The following ARHGAP26 variants were observed in gnomAD, a reference collection of about 807,000 sequenced individuals.
ARHGAP26 encodes the protein Rho GTPase activating protein 26.
In ARHGAP26, 38 loss-of-function variants were observed where a neutral mutation model predicts 104.8. The ratio of observed to expected loss-of-function variants is 0.36; its 90% CI spans 0.28 to 0.48. The LOEUF (loss-of-function observed/expected upper bound fraction) is 0.48. Ranked by LOEUF, ARHGAP26 falls within the 20% of genes least tolerant of loss-of-function variation. ARHGAP26 has a pLI of 0.99. For synonymous variants in ARHGAP26, 341 were observed against 340.0 expected (o/e 1.00, Z -0.03); for missense variants, 704 against 947.9 (o/e 0.74, Z 3.38).
intron 3 of ARHGAP26, among the ~76,000 whole-genome samples, 192 bp downstream of exon 3, chr5:142,875,363 T>G (rs986844191): frequency 6.6e-6 from 1 of 152,248 alleles, no homozygotes; most frequent in African/African-American, 2.4e-5. Flanking sequence ...TGGATAACTT[T>G]AGAACAACGT....
intron 11 of ARHGAP26, among the ~76,000 whole-genome samples, chr5:142,958,904 T>TAA (rs1199020124): frequency 2.3e-5 from 2 of 88,230 alleles, no homozygotes; most frequent in East Asian, 5.5e-4. Context: ...CGCTGTCTCT[T>TAA]AAAAAAAAAA....
rs536919888 is a variant in ARHGAP26 at position 143,029,392 on chromosome 5, G to GTTTTTT, written c.1145-7779_1145-7774dup. The stretch of plus-strand genomic sequence containing the variant: ...CATGTTAGAAATCCTTTACTTCTCA[G>GTTTTTT]TTTTTTTTTTTTTTTTTTTTTTTTT... On this transcript the variant is annotated intron_variant, in intron 12 of 22. Coordinates refer to ENST00000645722, the MANE Select transcript of ARHGAP26 (RefSeq NM_001135608.3). 1.6e-4 allele frequency among the ~76,000 whole-genome samples: 13 copies of GTTTTTT among 80,846 alleles called. 3 individuals carry two copies. The highest frequency in any genetic ancestry group is 4.4e-4 in the East Asian group (1 of 2,298). The allele number at this position is 80,846 out of a possible 152,430, so 53.0% of individuals were successfully genotyped here.
intron 10 of ARHGAP26, among the ~76,000 whole-genome samples, chr5:142,916,551 A>G (rs1762513105): frequency 6.6e-6 from 1 of 152,232 alleles, no homozygotes; most frequent in Admixed American, 6.5e-5. Context: ...GTGTTTCACA[A>G]TACAGTTTCA....
At chr5:143,163,670 C>T (rs999295219) in intron 20 of ARHGAP26, among the ~76,000 whole-genome samples, 7 of 151,948 alleles carry the variant, frequency 4.6e-5, no homozygotes, top group South Asian at 2.1e-4. Context: ...AGGCTGGTCT[C>T]GAACTCCTGA....
chr5:142,998,750 A>G (rs925601368), intron 11 of ARHGAP26, among the ~76,000 whole-genome samples: 1 of 152,168 alleles, frequency 6.6e-6, no homozygotes, highest in African/African-American at 2.4e-5. Context: ...AGAACAAAAA[A>G]AAAGAAAAAG....
intron 1 of ARHGAP26, among the ~76,000 whole-genome samples, chr5:142,786,348 A>G (rs971010473): frequency 6.6e-6 from 1 of 151,916 alleles, no homozygotes; most frequent in African/African-American, 2.4e-5. Context: ...CCAGGCTGGA[A>G]TGCAGTGGTG....
At chr5:142,955,076 C>T (rs565488861) in intron 11 of ARHGAP26, among the ~76,000 whole-genome samples, 1 of 148,296 alleles carries the variant, frequency 6.7e-6, no homozygotes, top group South Asian at 2.2e-4. Flanking sequence ...CCCAGCAGTT[C>T]AACATAGTGA....
chr5:142,865,478 G>GTGTT, intron 1 of ARHGAP26, among the ~76,000 whole-genome samples: 1 of 117,230 alleles, frequency 8.5e-6, no homozygotes, highest in East Asian at 2.9e-4. Flanking sequence ...ACACGGAGAA[G>GTGTT]TTTTTTTTTT....
intron 17 of ARHGAP26, among the ~76,000 whole-genome samples, chr5:143,086,806 T>C (rs1790647085): frequency 6.6e-6 from 1 of 152,224 alleles, no homozygotes; most frequent in Non-Finnish European, 1.5e-5. Flanking sequence ...ACTACAGAAC[T>C]AACTTTAGTT....
chr5:143,088,912 C>G (rs1217049408), intron 17 of ARHGAP26, among the ~76,000 whole-genome samples: 5 of 151,906 alleles, frequency 3.3e-5, no homozygotes, highest in Non-Finnish European at 7.4e-5. Context: ...CGGAATGAGT[C>G]AGGGGGTAGC....
chr5:143,212,062 TTG>T (rs1306395988), intron 21 of ARHGAP26, among the ~76,000 whole-genome samples: 6 of 152,172 alleles, frequency 3.9e-5, no homozygotes, highest in Non-Finnish European at 8.8e-5. Context: ...TAAATAATGT[TTG>T]TGAAAATCCA....
In ARHGAP26 at chr5:142,871,967, C is replaced by T. The variant is rs1013252724; in HGVS notation, c.155-1433C>T. 3.3e-5 allele frequency among the ~76,000 whole-genome samples: 5 copies of T among 152,186 alleles called. No homozygotes were observed. Among genetic ancestry groups the T allele is most frequent in the Non-Finnish European group, 5.9e-5 (4 of 68,030 alleles). On this transcript the variant is annotated intron_variant, in intron 1 of 22. Coordinates refer to ENST00000645722, the MANE Select transcript of ARHGAP26 (RefSeq NM_001135608.3). This position sits in a 1 kb window ranked among gnomAD's most constrained non-coding sequence, Gnocchi z 4.1. ...CTATCTCGGGACCGTGTCATCACAGCGTGTGGGAGGGCAGTCCAGGAGCAG... is the reference window on the plus strand; with the variant it reads ...CTATCTCGGGACCGTGTCATCACAGTGTGTGGGAGGGCAGTCCAGGAGCAG...
chr5:142,788,180 T>C (rs1174216723), intron 1 of ARHGAP26, among the ~76,000 whole-genome samples: 1 of 151,990 alleles, frequency 6.6e-6, no homozygotes, highest in African/African-American at 2.4e-5. Context: ...TTTGTATTTT[T>C]AGTAGAGATG....
In ARHGAP26 at chr5:143,222,778, G is replaced by C. The variant is rs1811363307; in HGVS notation, c.*332G>C. On this transcript the variant is annotated 3_prime_UTR_variant, in exon 23 of 23. Coordinates refer to ENST00000645722, the MANE Select transcript of ARHGAP26 (RefSeq NM_001135608.3). Reference sequence around the variant, plus strand: ...GGTCCAAACGCCCAACCTTCAGAAAGAGGAAGTCAGATAGAAATAGTCCCT... The same window carrying C: ...GGTCCAAACGCCCAACCTTCAGAAACAGGAAGTCAGATAGAAATAGTCCCT... 4.0e-6 allele frequency: 1 copy of C among 252,274 alleles called. No homozygotes were observed. Among genetic ancestry groups the C allele is most frequent in the Admixed American group, 5.4e-5 (1 of 18,530 alleles). 15.6% of individuals were successfully genotyped at this position (252,274 alleles called of 1,614,324 possible).
intron 6 of ARHGAP26, among the ~76,000 whole-genome samples, chr5:142,900,098 G>A (rs1399134003): frequency 6.6e-6 from 1 of 152,204 alleles, no homozygotes; most frequent in African/African-American, 2.4e-5. Context: ...CAGATAGCAG[G>A]GAGAGCAGAG....
At chr5:142,978,737 A>AGGAGTTTG (rs1773491832) in intron 11 of ARHGAP26, among the ~76,000 whole-genome samples, 1 of 149,602 alleles carries the variant, frequency 6.7e-6, no homozygotes, top group South Asian at 2.1e-4. Flanking sequence ...ATGTCAAGAA[A>AGGAGTTTG]GGAGTTTGCC....
chr5:142,884,058 A>G (rs906427589), intron 4 of ARHGAP26, among the ~76,000 whole-genome samples: 2 of 152,202 alleles, frequency 1.3e-5, no homozygotes, highest in African/African-American at 4.8e-5. Flanking sequence ...AAACATCCCT[A>G]TGGGTTCAGG....
rs759931392 is a variant in ARHGAP26 at position 143,223,070 on chromosome 5, GCACGGGAA to G, written c.*628_*635del. 71 of 233,438 alleles carry G rather than the reference GCACGGGAA, an allele frequency of 3.0e-4. No individual in the cohort carries two copies. Among genetic ancestry groups the G allele is most frequent in the Middle Eastern group, 2.5e-3 (2 of 786 alleles). The allele number at this position is 233,438 out of a possible 1,614,324, so 14.5% of individuals were successfully genotyped here. A position where few individuals can be genotyped will look rare whatever the true frequency, so the allele number is the denominator to read the frequency against. ...GTGAGATACAATCCAGTCTTCTCAT[GCACGGGAA>G]CACACACACCCTGCGTTTCTCCCTC... On this transcript the variant is annotated 3_prime_UTR_variant, in exon 23 of 23. Transcript: ENST00000645722.
intron 3 of ARHGAP26, among the ~76,000 whole-genome samples, chr5:142,878,813 C>A (rs1488062695): frequency 6.6e-6 from 1 of 152,074 alleles, no homozygotes; most frequent in African/African-American, 2.4e-5. Flanking sequence ...AATGCAGGAC[C>A]TGAGGGGTGA....
Sources: gnomAD v4.1 joint callset for allele counts (sites outside exome capture counted in the v4.1 genomes callset) on GRCh38, gnomAD v4.1.1 for gene constraint, Gnocchi (gnomAD v3.1) non-coding constraint, MANE v1.5 for transcripts, NCBI Gene and HGNC (gene_info 2026-07-23, HGNC 2026-07-21) for gene names.